Variants in PARVA observed in about 807,000 individuals in gnomAD.
PARVA encodes alpha-parvin.
In PARVA, 25 loss-of-function variants were observed where a neutral mutation model predicts 52.6. The observed-to-expected ratio is 0.48, with a 90% confidence interval of 0.35 to 0.66. PARVA has a LOEUF of 0.66. Ranked by LOEUF, PARVA falls within the 30% of genes least tolerant of loss-of-function variation. The pLI is 0.01. For synonymous variants in PARVA, 185 were observed against 179.1 expected, an observed-to-expected ratio of 1.03 and a Z score of -0.26; for missense variants, 373 against 450.9, an observed-to-expected ratio of 0.83 and a Z score of 1.56.
At chr11:12,382,588 A>G (rs887066271) in intron 1 of PARVA, among the ~76,000 whole-genome samples, 1 of 152,206 alleles carries the variant, frequency 6.6e-6, no homozygotes, top group Admixed American at 6.5e-5. Flanking sequence ...AAGGAAAACT[A>G]CATCATAGAA....
intron 1 of PARVA, among the ~76,000 whole-genome samples, chr11:12,459,613 C>T (rs147274745): frequency 4.6e-5 from 7 of 152,136 alleles, no homozygotes; most frequent in East Asian, 1.9e-4. Context: ...TCAACAGTTA[C>T]GGAATGGTTA....
At chr11:12,461,491 A>G (rs1940779492) in intron 1 of PARVA, among the ~76,000 whole-genome samples, 1 of 152,216 alleles carries the variant, frequency 6.6e-6, no homozygotes, top group Non-Finnish European at 1.5e-5. Flanking sequence ...ATGGCATGGC[A>G]AAGGACAAAG....
In PARVA at chr11:12,378,210, T is replaced by C. The variant is rs1383486943; in HGVS notation, c.136+427T>C. Among the ~76,000 whole-genome samples the C allele has an allele frequency of 2.6e-5, 4 of 152,182 alleles. No homozygotes were observed. In the East Asian group the frequency reaches 5.8e-4, roughly 22 times the overall value. On this transcript the variant is annotated intron_variant, in intron 1 of 12. Transcript: ENST00000334956. ...TCCCAAGTTTCCGCTGCAGCTTTCC[T>C]GGGCGCCGTCGCTCTTACTCGTTGC... is the stretch of plus-strand genomic sequence containing the variant.
In PARVA at chr11:12,524,227, G is replaced by A. The variant is rs144048775; in HGVS notation, c.1043-3622G>A. ...AAAACAGAAAGAAAACTACCATTTA[G>A]GGGACCCTTAATATATTCTGGGTGT... On this transcript the variant is annotated intron_variant, in intron 12 of 12. Coordinates refer to ENST00000334956, the MANE Select transcript of PARVA (RefSeq NM_018222.5). Among the ~76,000 whole-genome samples, 82 of 152,244 alleles carry A rather than the reference G, an allele frequency of 5.4e-4. 1 individual carries two copies. Among genetic ancestry groups the A allele is most frequent in the African/African-American group, 1.9e-3 (78 of 41,556 alleles).
At chr11:12,393,473 A>G (rs1165304219) in intron 1 of PARVA, among the ~76,000 whole-genome samples, 2 of 152,130 alleles carry the variant, frequency 1.3e-5, no homozygotes, top group Non-Finnish European at 2.9e-5. Flanking sequence ...TTACAGCACA[A>G]CCTGGTGGCA....
At chr11:12,480,983 C>T (rs1400445809) in intron 4 of PARVA, among the ~76,000 whole-genome samples, 1 of 152,050 alleles carries the variant, frequency 6.6e-6, no homozygotes, top group South Asian at 2.1e-4. Flanking sequence ...GGCTATTTTT[C>T]GTGTCACTGG....
At chr11:12,519,860 G>A (rs981048798) in intron 12 of PARVA, among the ~76,000 whole-genome samples, 1 of 152,168 alleles carries the variant, frequency 6.6e-6, no homozygotes, top group African/African-American at 2.4e-5. Context: ...TCCCCCTGGG[G>A]CTCTCTCTTT....
intron 10 of PARVA, 137 bp downstream of exon 10, chr11:12,514,202 G>GACT: frequency 1.6e-6 from 1 of 643,332 alleles, no homozygotes; most frequent in Non-Finnish European, 2.8e-6. Flanking sequence ...CTACTCTGAG[G>GACT]GGTGGACTGA....
chr11:12,488,470 C>T (rs756660187), intron 4 of PARVA, among the ~76,000 whole-genome samples: 2 of 152,110 alleles, frequency 1.3e-5, no homozygotes, highest in Non-Finnish European at 2.9e-5. Context: ...CCTATCATTC[C>T]TAATGGCCTA....
chr11:12,433,958 T>C (rs1046073318), intron 1 of PARVA, among the ~76,000 whole-genome samples: 1 of 152,160 alleles, frequency 6.6e-6, no homozygotes, highest in Admixed American at 6.5e-5. Flanking sequence ...TTACCAGGCC[T>C]CTCTGTTTCT....
At chr11:12,512,917 G>T (rs1225236780) in intron 8 of PARVA, among the ~76,000 whole-genome samples, 1 of 152,234 alleles carries the variant, frequency 6.6e-6, no homozygotes, top group South Asian at 2.1e-4. Context: ...AAATTGGGGG[G>T]TGAAATTATT....
intron 2 of PARVA, 34 bp from the exon 3 acceptor site, chr11:12,473,879 C>T (rs1474310541): frequency 6.4e-7 from 1 of 1,562,890 alleles, no homozygotes; most frequent in Non-Finnish European, 8.7e-7. Flanking sequence ...TTTCCCATGC[C>T]AGCACCCCCA....
chr11:12,424,972 T>C (rs1216997781), intron 1 of PARVA, among the ~76,000 whole-genome samples: 1 of 152,232 alleles, frequency 6.6e-6, no homozygotes, highest in Non-Finnish European at 1.5e-5. Flanking sequence ...GTGATTAAAC[T>C]ATATTTATGA....
chr11:12,389,313 G>A (rs992390047), intron 1 of PARVA, among the ~76,000 whole-genome samples: 7 of 152,134 alleles, frequency 4.6e-5, no homozygotes, highest in Admixed American at 1.3e-4. Context: ...AGCCCAGAGC[G>A]TGGCTGCCCT....
chr11:12,506,104 A>G, intron 6 of PARVA, among the ~76,000 whole-genome samples: 1 of 152,182 alleles, frequency 6.6e-6, no homozygotes, highest in African/African-American at 2.4e-5. Context: ...GGGAATATAT[A>G]GGAAATCTCT....
chr11:12,505,435 T>A (rs1169067385), intron 6 of PARVA, among the ~76,000 whole-genome samples: 1 of 152,144 alleles, frequency 6.6e-6, no homozygotes, highest in Non-Finnish European at 1.5e-5. Flanking sequence ...AAGGAAATGG[T>A]CCTCCTAATC....
intron 1 of PARVA, among the ~76,000 whole-genome samples, chr11:12,410,988 T>A (rs1322628514): frequency 6.6e-6 from 1 of 152,174 alleles, no homozygotes; most frequent in Non-Finnish European, 1.5e-5. Flanking sequence ...GGTGTGATAC[T>A]GACGATCCCT....
chr11:12,453,685 A>G (rs1268877315), intron 1 of PARVA, among the ~76,000 whole-genome samples: 3 of 152,194 alleles, frequency 2.0e-5, no homozygotes, highest in Non-Finnish European at 4.4e-5. Context: ...TAGGTTAAAC[A>G]TGGTTTTGAA....
chr11:12,430,539 C>G (rs1264047602), intron 1 of PARVA, among the ~76,000 whole-genome samples: 2 of 152,182 alleles, frequency 1.3e-5, no homozygotes, highest in African/African-American at 2.4e-5. Flanking sequence ...AGAAAACCCA[C>G]ACACAGAGGC....
Sources: allele counts gnomAD v4.1 joint callset (sites outside exome capture counted in the v4.1 genomes callset), GRCh38; gene constraint gnomAD v4.1.1; transcripts MANE v1.5; gene names NCBI Gene and HGNC (gene_info 2026-07-23, HGNC 2026-07-21).